HHAT: variants seen among roughly 807,000 people sequenced by gnomAD.
HHAT encodes the protein hedgehog acyltransferase, also known as protein-cysteine N-palmitoyltransferase HHAT.
HHAT carries 47 observed loss-of-function variants against 70.8 expected under a neutral mutation model. The ratio of observed to expected loss-of-function variants is 0.66; its 90% CI spans 0.53 to 0.85. The LOEUF is 0.85. Ranked by LOEUF, HHAT falls within the 40% of genes least tolerant of loss-of-function variation. The probability of loss-of-function intolerance (pLI) is 0.00; values close to 1 mark genes in which losing one functional copy is unlikely to be tolerated. For missense variants in HHAT, 609 were observed against 604.8 expected, an observed-to-expected ratio of 1.01 and a Z score of -0.07; for synonymous variants, 228 against 247.6, an observed-to-expected ratio of 0.92 and a Z score of 0.74.
intron 3 of HHAT, among the ~76,000 whole-genome samples, chr1:210,375,272 AAT>A (rs1419184804): frequency 6.9e-6 from 1 of 145,458 alleles, no homozygotes; most frequent in African/African-American, 2.7e-5. Flanking sequence ...AATGCTTTTA[AAT>A]ATATATGTAT....
chr1:210,518,466 A>G (rs984087023), intron 9 of HHAT, among the ~76,000 whole-genome samples: 1 of 152,222 alleles, frequency 6.6e-6, no homozygotes, highest in Non-Finnish European at 1.5e-5. Flanking sequence ...CCAAAATCAA[A>G]TAAAATATAG....
rs1390970181 is a variant in HHAT, at chr1:210,503,227, T to C, written c.1008-9926T>C. On this transcript the variant is annotated intron_variant, in intron 8 of 11. Coordinates refer to ENST00000261458, the MANE Select transcript of HHAT (RefSeq NM_018194.6). ...TGTCCACTTTGGCCTTCCAAAGTGC[T>C]GGGATTACAGGCATGAGCCACTATG... 2.0e-5 allele frequency among the ~76,000 whole-genome samples: 3 copies of C among 152,216 alleles called. No homozygotes were observed. The East Asian group carries it at 5.8e-4, about 29-fold the overall frequency.
At chr1:210,569,345 G>A (rs1055266604) in intron 9 of HHAT, among the ~76,000 whole-genome samples, 1 of 116,168 alleles carries the variant, frequency 8.6e-6, no homozygotes, top group African/African-American at 3.2e-5. Context: ...CTGCACTCCA[G>A]CTCGGGCGAC....
chr1:210,498,877 C>A (rs1411250404), intron 8 of HHAT, among the ~76,000 whole-genome samples: 2 of 149,174 alleles, frequency 1.3e-5, no homozygotes, highest in African/African-American at 2.5e-5. Flanking sequence ...TCAAGTGATT[C>A]TCCTGCCTCA....
chr1:210,599,706 G>A (rs945274489), intron 10 of HHAT, among the ~76,000 whole-genome samples: 1 of 152,026 alleles, frequency 6.6e-6, no homozygotes, highest in African/African-American at 2.4e-5. Context: ...ATAGCTTCTA[G>A]GTAATCCCTT....
chr1:210,463,116 C>T (rs532906307), intron 7 of HHAT: 1 of 151,200 alleles, frequency 6.6e-6, no homozygotes, highest in African/African-American at 2.4e-5. Context: ...CCCACTAGAC[C>T]TCAGGCCTTC....
At chr1:210,419,087 C>T (rs1163706905) in intron 7 of HHAT, among the ~76,000 whole-genome samples, 1 of 152,084 alleles carries the variant, frequency 6.6e-6, no homozygotes, top group African/African-American at 2.4e-5. Context: ...TTCAGCTTCA[C>T]CAATGACTGG....
At chr1:210,480,293 G>T (rs916921740) in intron 8 of HHAT, among the ~76,000 whole-genome samples, 1 of 152,194 alleles carries the variant, frequency 6.6e-6, no homozygotes, top group Admixed American at 6.5e-5. Context: ...GCAAGCTGAG[G>T]AGTCAAAGTT....
At chr1:210,669,488 C>G (rs1679648239) in intron 11 of HHAT, among the ~76,000 whole-genome samples, 2 of 152,218 alleles carry the variant, frequency 1.3e-5, no homozygotes, top group African/African-American at 4.8e-5. Flanking sequence ...CATTGGTCCT[C>G]TTAATTGAAT....
At chr1:210,496,374 C>G (rs1424744399) in intron 8 of HHAT, among the ~76,000 whole-genome samples, 2 of 151,916 alleles carry the variant, frequency 1.3e-5, no homozygotes, top group Non-Finnish European at 2.9e-5. Context: ...GAGAGTGCCC[C>G]CAAGACAGAA....
At chr1:210,666,155 G>A (rs12074032) in intron 11 of HHAT, among the ~76,000 whole-genome samples, 10,034 of 152,214 alleles carry the variant, frequency 0.066, 400 homozygotes, top group African/African-American at 0.11. Context: ...TCACAGACTC[G>A]GGAGTGCTGC....
intron 1 of HHAT, among the ~76,000 whole-genome samples, chr1:210,347,861 A>G (rs908606448): frequency 5.9e-5 from 9 of 152,128 alleles, no homozygotes; most frequent in Non-Finnish European, 1.2e-4. Flanking sequence ...AAAGGGAGGG[A>G]AAGAAAGAGA....
intron 8 of HHAT, among the ~76,000 whole-genome samples, chr1:210,502,761 T>C (rs974768085): frequency 6.6e-6 from 1 of 152,234 alleles, no homozygotes; most frequent in Admixed American, 6.5e-5. Flanking sequence ...ATTTTCTTAA[T>C]AGACAACAAC....
At chr1:210,362,521 G>A (rs759179867) in intron 2 of HHAT, among the ~76,000 whole-genome samples, 19 of 152,154 alleles carry the variant, frequency 1.2e-4, no homozygotes, top group East Asian at 7.7e-4. Flanking sequence ...CACCATGCCC[G>A]GCCCAAAATT....
chr1:210,389,957 A>T (rs966761757), intron 4 of HHAT, among the ~76,000 whole-genome samples: 1 of 152,230 alleles, frequency 6.6e-6, no homozygotes, highest in African/African-American at 2.4e-5. Context: ...AAATAGGATC[A>T]ATAAGATAGT....
intron 11 of HHAT, among the ~76,000 whole-genome samples, chr1:210,662,648 T>A (rs566537758): frequency 3.3e-5 from 5 of 152,122 alleles, no homozygotes; most frequent in Admixed American, 2.6e-4. Context: ...TAGTTGTCCC[T>A]GGAGAGAGAA....
intron 9 of HHAT, among the ~76,000 whole-genome samples, chr1:210,531,845 C>T (rs1388132842): frequency 5.9e-5 from 9 of 152,284 alleles, no homozygotes; most frequent in African/African-American, 1.9e-4. Flanking sequence ...GTCACCAAGT[C>T]TATGTGAAAA....
intron 8 of HHAT, among the ~76,000 whole-genome samples, chr1:210,512,623 A>G (rs1290243815): frequency 1.4e-5 from 2 of 148,130 alleles, no homozygotes; most frequent in African/African-American, 5.0e-5. Context: ...AGTAAATGTG[A>G]TCGCACCGCT....
At chr1:210,673,386 G>A (rs547364989) in intron 11 of HHAT, among the ~76,000 whole-genome samples, 5 of 151,808 alleles carry the variant, frequency 3.3e-5, no homozygotes, top group South Asian at 4.2e-4. Context: ...TGATGATGAC[G>A]GTGATTTTTG....
Sources: gnomAD v4.1 joint callset for allele counts (sites outside exome capture counted in the v4.1 genomes callset) on GRCh38, gnomAD v4.1.1 for gene constraint, MANE v1.5 for transcripts, NCBI Gene and HGNC (gene_info 2026-07-23, HGNC 2026-07-21) for gene names.